The following FOXN3 variants were observed in gnomAD, a reference collection of about 807,000 sequenced individuals.
The protein encoded by FOXN3 is forkhead box protein N3.
Under a neutral mutation model 38.4 loss-of-function variants are expected in FOXN3, and 7 were observed. The ratio of observed to expected loss-of-function variants is 0.18; its 90% confidence interval spans 0.10 to 0.34. The LOEUF is 0.34. Among genes scored for constraint, FOXN3 ranks in the 10% least tolerant of loss-of-function variants. The pLI is 1.00. For synonymous variants in FOXN3, 230 were observed against 242.2 expected, an observed-to-expected ratio of 0.95 and a Z score of 0.47; for missense variants, 456 against 613.4, an observed-to-expected ratio of 0.74 and a Z score of 2.71.
At chr14:89,325,356 C>T (rs28526706) in intron 3 of FOXN3, among the ~76,000 whole-genome samples, 52,628 of 90,750 alleles carry the variant, frequency 0.58, 14,651 homozygotes, top group South Asian at 0.8. Flanking sequence ...CCACCACCAC[C>T]ACCACTACCA....
chr14:89,189,756 C>T (rs900530682), intron 4 of FOXN3, among the ~76,000 whole-genome samples: 2 of 152,188 alleles, frequency 1.3e-5, no homozygotes, highest in African/African-American at 4.8e-5. Flanking sequence ...AATGTTGTCT[C>T]AAACTTGACA....
chr14:89,300,939 G>A (rs1887199013), intron 3 of FOXN3, among the ~76,000 whole-genome samples: 1 of 152,048 alleles, frequency 6.6e-6, no homozygotes, highest in Admixed American at 6.5e-5. Flanking sequence ...TGGGATTATA[G>A]GTGCCTGTCC....
At chr14:89,210,434 C>A (rs569998709) in intron 4 of FOXN3, among the ~76,000 whole-genome samples, 240 of 152,314 alleles carry the variant, frequency 1.6e-3, no homozygotes, top group South Asian at 5.8e-3. Flanking sequence ...GCCAATTAAA[C>A]CTCTTTTCTT....
intron 1 of FOXN3, among the ~76,000 whole-genome samples, chr14:89,603,784 TTAACAAACTGGGA>T (rs1896209017): frequency 2.0e-5 from 3 of 152,100 alleles, no homozygotes; most frequent in Non-Finnish European, 2.9e-5. Flanking sequence ...TTGAAGGCAT[TTAACAAACTGGGA>T]GAACCTGAGC....
chr14:89,358,082 G>A (rs1344489884), intron 2 of FOXN3, among the ~76,000 whole-genome samples: 1 of 152,176 alleles, frequency 6.6e-6, no homozygotes, highest in Non-Finnish European at 1.5e-5. Flanking sequence ...TGCATGGCCA[G>A]GTCCAACGGC....
rs537788133 is a variant in FOXN3, at chr14:89,205,941, C to T, written c.746-25135G>A. Among the ~76,000 whole-genome samples, 134 of 152,318 alleles carry T rather than the reference C, an allele frequency of 8.8e-4. 1 individual carries two copies. Among genetic ancestry groups the T allele is most frequent in the Admixed American group, 8.8e-3 (134 of 15,298 alleles). ...TGGGAGCGGGTTAAGGGAACTTCTC[C>T]CGTTTCAATGAATGGGATGAGAGCC... On this transcript the variant is annotated intron_variant, in intron 4 of 5. Transcript: ENST00000557258.
intron 1 of FOXN3, among the ~76,000 whole-genome samples, chr14:89,439,135 C>T (rs1391817643): frequency 6.6e-6 from 1 of 152,184 alleles, no homozygotes; most frequent in Non-Finnish European, 1.5e-5. Flanking sequence ...CTGCATCCAA[C>T]CCTGTGTGTG....
chr14:89,538,707 G>C (rs999741996), intron 1 of FOXN3, among the ~76,000 whole-genome samples: 2 of 150,430 alleles, frequency 1.3e-5, no homozygotes, highest in Non-Finnish European at 3.0e-5. Context: ...TAGTAGAGAC[G>C]GGGTTTCTCC....
intron 1 of FOXN3, among the ~76,000 whole-genome samples, chr14:89,535,204 C>CT (rs11455930): frequency 0.61 from 88,769 of 145,116 alleles, 28,057 homozygotes; most frequent in Middle Eastern, 0.74. Flanking sequence ...TTTCTTTCCT[C>CT]TTTTTTTTTT....
At chr14:89,519,836 T>C (rs1894283122) in intron 1 of FOXN3, among the ~76,000 whole-genome samples, 1 of 152,062 alleles carries the variant, frequency 6.6e-6, no homozygotes, top group African/African-American at 2.4e-5. Context: ...GCATAGTTTC[T>C]CTTGCAGATA....
Position 89,360,759 on chromosome 14 carries a change from T to TCCAGCACTACCTCCACCACCACCA in FOXN3, c.544-9952_544-9951insTGGTGGTGGTGGAGGTAGTGCTGG. On this transcript the variant is annotated intron_variant, in intron 2 of 5. Coordinates refer to ENST00000557258, the MANE Select transcript of FOXN3 (RefSeq NM_005197.4). ...CTCCAGCACCACCTCCACCACCACC[T>TCCAGCACTACCTCCACCACCACCA]CCACCACTACCACCTCCACCACCAC... 7.7e-5 allele frequency among the ~76,000 whole-genome samples: 3 copies of TCCAGCACTACCTCCACCACCACCA among 38,912 alleles called. No homozygotes were observed. The South Asian group carries it at 3.8e-3, about 50-fold the overall frequency. The allele number at this position is 38,912 out of a possible 152,430, so 25.5% of individuals were successfully genotyped here.
intron 1 of FOXN3, among the ~76,000 whole-genome samples, chr14:89,549,894 A>C (rs1378836005): frequency 6.6e-6 from 1 of 152,164 alleles, no homozygotes; most frequent in Admixed American, 6.6e-5. Context: ...CAAGGATGGG[A>C]GTTTCAGACT....
At chr14:89,464,079 C>T (rs533027905) in intron 1 of FOXN3, among the ~76,000 whole-genome samples, 124 of 152,106 alleles carry the variant, frequency 8.2e-4, no homozygotes, top group African/African-American at 2.5e-3. Flanking sequence ...CCACCGCGCC[C>T]GGCCTGGTAG....
At position 89,156,710 on chromosome 14, in the gene FOXN3, G is replaced by GTATATGCT. The variant is rs1348633886; in HGVS notation, c.*5696_*5703dup. The GTATATGCT allele has an allele frequency of 6.6e-6, 1 of 151,646 alleles. No individual in the cohort carries two copies. Among genetic ancestry groups the GTATATGCT allele is most frequent in the Non-Finnish European group, 1.5e-5 (1 of 67,962 alleles). The allele number at this position is 151,646 out of a possible 1,614,324, so 9.4% of individuals were successfully genotyped here. On this transcript the variant is annotated 3_prime_UTR_variant, in exon 6 of 6. Coordinates refer to ENST00000557258, the MANE Select transcript of FOXN3 (RefSeq NM_005197.4). ...TCAGAGTATTAAAAAATGTACAAGT[G>GTATATGCT]TATATGCTTCCCAGACACACATGGA...
chr14:89,202,907 A>T (rs1002404144), intron 4 of FOXN3, among the ~76,000 whole-genome samples: 3 of 151,904 alleles, frequency 2.0e-5, no homozygotes, highest in African/African-American at 7.3e-5. Flanking sequence ...ATACAAAAAA[A>T]CCCCACAGAA....
At chr14:89,295,589 CT>C (rs373235040) in intron 3 of FOXN3, among the ~76,000 whole-genome samples, 163 of 150,960 alleles carry the variant, frequency 1.1e-3, no homozygotes, top group African/African-American at 3.7e-3. Flanking sequence ...TTTTTTTTTC[CT>C]TTTTTTTGAG....
intron 3 of FOXN3, among the ~76,000 whole-genome samples, chr14:89,301,628 T>A (rs1887219918): frequency 6.6e-6 from 1 of 151,976 alleles, no homozygotes; most frequent in Non-Finnish European, 1.5e-5. Context: ...ATTACCTGGG[T>A]GCAGTGGCAG....
At chr14:89,374,815 C>T (rs946700913) in intron 2 of FOXN3, among the ~76,000 whole-genome samples, 16 of 140,844 alleles carry the variant, frequency 1.1e-4, no homozygotes, top group Admixed American at 4.3e-4. Flanking sequence ...ACTATAAATA[C>T]AAAAAAAAAA....
At chr14:89,527,029 C>CGGG (rs1195333070) in intron 1 of FOXN3, among the ~76,000 whole-genome samples, 53 of 135,242 alleles carry the variant, frequency 3.9e-4, no homozygotes, top group Non-Finnish European at 7.1e-4. Context: ...TTATTGAGGA[C>CGGG]AGGAAAGGAG....
Sources: gnomAD v4.1 joint callset for allele counts (sites outside exome capture counted in the v4.1 genomes callset) on GRCh38, gnomAD v4.1.1 for gene constraint, MANE v1.5 for transcripts, NCBI Gene and HGNC (gene_info 2026-07-23, HGNC 2026-07-21) for gene names.